PCDHGA9: variants seen among roughly 807,000 people sequenced by gnomAD.
PCDHGA9 encodes protocadherin gamma subfamily A, 9.
Under a neutral mutation model 62.5 loss-of-function variants are expected in PCDHGA9, and 37 were observed. That is an observed-to-expected ratio of 0.59 (90% CI 0.46 to 0.78). The LOEUF is 0.78. Among genes scored for constraint, PCDHGA9 ranks in the 30% least tolerant of loss-of-function variants. The pLI is 0.00. For synonymous variants in PCDHGA9, 459 were observed against 484.6 expected (o/e 0.95, Z 0.69); for missense variants, 1,138 against 1,166.2 (o/e 0.98, Z 0.35).
In PCDHGA9 at chr5:141,505,438, T is replaced by C. The variant is rs149352680; in HGVS notation, c.2529T>C (p.Phe843=). The C allele has an allele frequency of 6.8e-6, 11 of 1,614,046 alleles. No homozygotes were observed. The African/African-American group carries it at 1.5e-4, about 22-fold the overall frequency. The stretch of plus-strand genomic sequence containing the variant: ...CCGGCACCTGGCCCAACAACCAGTT[T>C]GACACAGAGATGCTGCAAGCCATGA... ...DDTGTWPNNQ[F]DTEMLQAMIL... Residue 843 remains phenylalanine, a synonymous_variant, in exon 3 of 4, where the codon TTT becomes TTC. Transcript: ENST00000573521.
Position 141,476,852 on chromosome 5 carries a change from C to T in PCDHGA9, c.2425-17955C>T. 6.2e-7 allele frequency: 1 copy of T among 1,613,828 alleles called. No homozygotes were observed. Among genetic ancestry groups the T allele is most frequent in the Non-Finnish European group, 8.5e-7 (1 of 1,180,044 alleles). ...GAATGACAATGCGCCTGTCTTCAAC[C>T]AGTCCTTGTACCGGGCGCGCGTCCT... On this transcript the variant is annotated intron_variant, in intron 1 of 3. Coordinates refer to ENST00000573521, the MANE Select transcript of PCDHGA9 (RefSeq NM_018921.3). This position sits in a 1 kb window ranked among gnomAD's most constrained non-coding sequence, Gnocchi z 7.6.
chr5:141,427,440 G>T (rs747459662), intron 1 of PCDHGA9: 3 of 477,366 alleles, frequency 6.3e-6, no homozygotes, highest in South Asian at 3.1e-5. Flanking sequence ...CCTCATAAAC[G>T]AAAGAGTTCC....
Position 141,431,062 on chromosome 5 carries a change from G to C in PCDHGA9, c.2424+25686G>C, listed in dbSNP as rs2097341170. On this transcript the variant is annotated intron_variant, in intron 1 of 3. Coordinates refer to ENST00000573521, the MANE Select transcript of PCDHGA9 (RefSeq NM_018921.3). This position sits in a 1 kb window ranked among gnomAD's most constrained non-coding sequence, Gnocchi z 4.8. ...AGGAGCTCTGTATGGGGGCCATCAA[G>C]TGTCAATTAAATCTAGACATTCTGA... 6.2e-7 allele frequency: 1 copy of C among 1,614,212 alleles called. No individual in the cohort carries two copies. The highest frequency in any genetic ancestry group is 1.3e-5 in the African/African-American group (1 of 75,084).
intron 1 of PCDHGA9, among the ~76,000 whole-genome samples, chr5:141,469,045 G>C (rs35157158): frequency 1.4e-3 from 207 of 152,234 alleles, no homozygotes; most frequent in Middle Eastern, 0.01. Flanking sequence ...GGGAGGCCAA[G>C]GTGGGAGGAT....
chr5:141,465,343 T>A (rs1221229916), intron 1 of PCDHGA9, among the ~76,000 whole-genome samples: 1 of 152,118 alleles, frequency 6.6e-6, no homozygotes, highest in Non-Finnish European at 1.5e-5. Flanking sequence ...TATTGGTTAC[T>A]GAAGAAAAAA....
chr5:141,478,319 T>A, intron 1 of PCDHGA9: 4 of 1,614,052 alleles, frequency 2.5e-6, no homozygotes, highest in Non-Finnish European at 3.4e-6. Flanking sequence ...GAGCTCACTG[T>A]ACCGAACACC....
chr5:141,503,077 TCTC>T (rs1212079220), intron 2 of PCDHGA9, among the ~76,000 whole-genome samples: 1 of 151,810 alleles, frequency 6.6e-6, no homozygotes, highest in African/African-American at 2.4e-5. Flanking sequence ...ATGGTCTCGA[TCTC>T]CTGACCTCGT....
intron 2 of PCDHGA9, among the ~76,000 whole-genome samples, chr5:141,497,332 A>G (rs537994715): frequency 6.6e-6 from 1 of 152,024 alleles, no homozygotes; most frequent in Non-Finnish European, 1.5e-5. Context: ...AGAATTCACC[A>G]TTGAACCTGG....
chr5:141,478,124 T>C (rs776469996), intron 1 of PCDHGA9: 1 of 1,613,978 alleles, frequency 6.2e-7, no homozygotes, highest in South Asian at 1.1e-5. Flanking sequence ...AACCGAGGAC[T>C]CTCCTGAAGC....
At chr5:141,461,819 A>T (rs573339238) in intron 1 of PCDHGA9, among the ~76,000 whole-genome samples, 68 of 149,282 alleles carry the variant, frequency 4.6e-4, no homozygotes, top group Non-Finnish European at 9.5e-4. Flanking sequence ...ACACCCAGCT[A>T]ATTTTTTTTT....
rs754708762 is a variant in PCDHGA9, at chr5:141,403,109, G to A, written c.157G>A (p.Ala53Thr). Residue 53 changes from alanine to threonine, a missense_variant, in exon 1 of 4, where the codon GCT becomes ACT. Physicochemically the swap from Ala to Thr is moderately conservative, Grantham distance 58. Coordinates refer to ENST00000573521, the MANE Select transcript of PCDHGA9 (RefSeq NM_018921.3). Reference protein sequence around the residue: ...YIVGNISKDLALEPRELAERR... With the variant: ...YIVGNISKDLTLEPRELAERR... ...TGTGGGCAACATCTCCAAGGACCTG[G>A]CTCTGGAGCCCCGGGAGCTGGCGGA... 1.9e-6 allele frequency: 3 copies of A among 1,614,074 alleles called. No individual in the cohort carries two copies.
At chr5:141,478,165 C>G (rs780594020) in intron 1 of PCDHGA9, 13 of 1,613,920 alleles carry the variant, frequency 8.1e-6, no homozygotes, top group African/African-American at 1.3e-5. Flanking sequence ...GCTCTGCCCC[C>G]CGGGAGCAGA....
rs758579068 is a variant in PCDHGA9, at chr5:141,485,232, T to C, written c.2425-9575T>C. 6.2e-7 allele frequency: 1 copy of C among 1,614,136 alleles called. No individual in the cohort carries two copies. The highest frequency in any genetic ancestry group is 8.5e-7 in the Non-Finnish European group (1 of 1,180,016). Reference sequence around the variant, plus strand: ...TGGCGGTGGGCTACCCTTTTGTTCCTCTTTTACCACCTGGGTTACGTTTGT... The same window carrying C: ...TGGCGGTGGGCTACCCTTTTGTTCCCCTTTTACCACCTGGGTTACGTTTGT... On this transcript the variant is annotated intron_variant, in intron 1 of 3. Coordinates refer to ENST00000573521, the MANE Select transcript of PCDHGA9 (RefSeq NM_018921.3). This position sits in a 1 kb window ranked among gnomAD's most constrained non-coding sequence, Gnocchi z 5.7.
intron 1 of PCDHGA9, chr5:141,430,809 G>T (rs949727881): frequency 2.0e-6 from 3 of 1,526,896 alleles, no homozygotes; most frequent in Non-Finnish European, 2.6e-6. Flanking sequence ...GTCCTGCTGG[G>T]AATCCTCCTG....
chr5:141,432,992 G>A lies in PCDHGA9; in HGVS notation c.2424+27616G>A, dbSNP rs777975384. On this transcript the variant is annotated intron_variant, in intron 1 of 3. Coordinates refer to ENST00000573521, the MANE Select transcript of PCDHGA9 (RefSeq NM_018921.3). The surrounding 1 kb of genome is among the most constrained non-coding windows in gnomAD (Gnocchi z 6.0). The stretch of plus-strand genomic sequence containing the variant: ...GGCGTCGCACTTTGTGGGCGTGGAC[G>A]GGGTGCAGGCTTTCCTGCAGACCTA... 1.9e-6 allele frequency: 3 copies of A among 1,614,174 alleles called. No homozygotes were observed. In the Admixed American group the frequency reaches 5.0e-5, roughly 27 times the overall value.
rs1422052114 is a variant in PCDHGA9, at chr5:141,511,168, A to T, written c.2794A>T (p.Lys932Ter). The change falls in exon 4 of 4, where the codon AAG (lysine) becomes TAG (stop). Residue 932 changes from lysine to a stop codon, truncating the protein, a stop_gained. Coordinates refer to ENST00000573521, the MANE Select transcript of PCDHGA9 (RefSeq NM_018921.3). LOFTEE classifies it high-confidence loss of function. ...GAAGAAGTCGGGCAAGAAGGAGAAG[A>T]AGTAACATGGAGGCCAGGCCAAGAG... is the stretch of plus-strand genomic sequence containing the variant. The part of the protein sequence containing the change: ...NKKKSGKKEK[K>*] 1.4e-5 allele frequency: 22 copies of T among 1,614,038 alleles called. No individual in the cohort carries two copies. The highest frequency in any genetic ancestry group is 1.7e-5 in the Non-Finnish European group (20 of 1,180,008).
intron 1 of PCDHGA9, chr5:141,415,222 G>C (rs2095844564): frequency 1.2e-6 from 2 of 1,613,990 alleles, no homozygotes; most frequent in African/African-American, 2.7e-5. Context: ...CGGCAGCTTC[G>C]AGTCTCCAGC....
intron 1 of PCDHGA9, among the ~76,000 whole-genome samples, chr5:141,473,057 A>G (rs2099313037): frequency 2.6e-5 from 4 of 152,056 alleles, no homozygotes; most frequent in Non-Finnish European, 5.9e-5. Flanking sequence ...AAGTGATACA[A>G]CAAGTTACAG....
In PCDHGA9 at chr5:141,512,903, C is replaced by G. The variant is rs2099884492; in HGVS notation, c.*1730C>G. On this transcript the variant is annotated 3_prime_UTR_variant, in exon 4 of 4. Coordinates refer to ENST00000573521, the MANE Select transcript of PCDHGA9 (RefSeq NM_018921.3). ...CCCCACCCTCTTCCTGTGTCTCACG[C>G]AAGTTTTATACTCTAATATTTATAT... 6.6e-6 allele frequency: 1 copy of G among 152,224 alleles called. No homozygotes were observed. Among genetic ancestry groups the G allele is most frequent in the African/African-American group, 2.4e-5 (1 of 41,452 alleles). 9.4% of individuals were successfully genotyped at this position (152,224 alleles called of 1,614,324 possible).
Sources: allele counts gnomAD v4.1 joint callset (sites outside exome capture counted in the v4.1 genomes callset), GRCh38; gene constraint gnomAD v4.1.1; non-coding constraint Gnocchi (gnomAD v3.1); transcripts MANE v1.5; gene names NCBI Gene and HGNC (gene_info 2026-07-23, HGNC 2026-07-21).